Variants in ZNF736 observed in about 807,000 individuals in gnomAD.
ZNF736 encodes the protein KRAB-containing zinc-finger repressor protein.
A neutral mutation model predicts 11.7 loss-of-function variants in ZNF736; 6 were observed. The observed-to-expected ratio is 0.51, with a 90% CI of 0.28 to 1.01. The LOEUF is 1.01. Among genes scored for constraint, ZNF736 ranks in the 50% least tolerant of loss-of-function variants. The pLI, the probability that ZNF736 is intolerant of heterozygous loss-of-function variation, is 0.09. For missense variants in ZNF736, 444 were observed against 496.0 expected (o/e 0.90, Z 1.00); for synonymous variants, 139 against 164.7 (o/e 0.84, Z 1.19).
intron 1 of ZNF736, among the ~76,000 whole-genome samples, chr7:64,324,069 C>T (rs143860233): frequency 0.011 from 1,681 of 152,266 alleles, 23 homozygotes; most frequent in Non-Finnish European, 0.018. Context: ...TTGTCAAAGG[C>T]TTCCATCTAT....
intron 1 of ZNF736, among the ~76,000 whole-genome samples, chr7:64,323,538 C>G (rs1312797242): frequency 6.6e-6 from 1 of 152,010 alleles, no homozygotes; most frequent in Non-Finnish European, 1.5e-5. Context: ...AGGTATATAC[C>G]ATGGAATACT....
intron 1 of ZNF736, 80 bp downstream of exon 1, chr7:64,314,233 G>T (rs1788879421): frequency 2.0e-6 from 3 of 1,527,330 alleles, no homozygotes; most frequent in Non-Finnish European, 2.6e-6. Flanking sequence ...GTGGTATCTG[G>T]GCCTTCTCGC....
rs140669983 is a variant in ZNF736 at position 64,315,062 on chromosome 7, C to T, written c.3+909C>T. 3.8e-3 allele frequency among the ~76,000 whole-genome samples: 580 copies of T among 152,296 alleles called. 3 individuals are homozygous for T. The highest frequency in any genetic ancestry group is 0.012 in the African/African-American group (507 of 41,568). ...AGTGAGTGAGTTCCCTGAAGTTCAT[C>T]ATTTAGAAGTGTACAGCACCCCACC... On this transcript the variant is annotated intron_variant, in intron 1 of 3. Coordinates refer to ENST00000423484, the MANE Select transcript of ZNF736 (RefSeq NM_001170905.3).
rs1182590213 is a variant in ZNF736, at chr7:64,348,715, C to T, written c.852C>T (p.Pro284=). Residue 284 remains proline, a synonymous_variant, in exon 4 of 4, where the codon CCC becomes CCT. Coordinates refer to ENST00000423484, the MANE Select transcript of ZNF736 (RefSeq NM_001170905.3). The stretch of plus-strand genomic sequence containing the variant: ...AGAGAATTCATACTGGAGAGAAACC[C>T]TACAAATGTGAAGAATGTAACAAAG... ...NHKRIHTGEK[P]YKCEECNKAY... is the part of the protein sequence containing the mutation. 3.7e-6 allele frequency: 6 copies of T among 1,607,572 alleles called. No individual in the cohort carries two copies. The highest frequency in any genetic ancestry group is 5.1e-6 in the Non-Finnish European group (6 of 1,177,024).
At chr7:64,335,796 T>A (rs1789240912) in intron 1 of ZNF736, among the ~76,000 whole-genome samples, 1 of 152,192 alleles carries the variant, frequency 6.6e-6, no homozygotes, top group Non-Finnish European at 1.5e-5. Flanking sequence ...GAAGCAACGA[T>A]ACCACTGGCA....
intron 1 of ZNF736, among the ~76,000 whole-genome samples, chr7:64,315,498 A>G (rs1788904038): frequency 6.6e-6 from 1 of 152,110 alleles, no homozygotes; most frequent in Non-Finnish European, 1.5e-5. Flanking sequence ...TTTTATTGGC[A>G]GCTTGTGGTT....
intron 1 of ZNF736, among the ~76,000 whole-genome samples, chr7:64,325,513 C>T (rs563130388): frequency 3.9e-5 from 6 of 152,272 alleles, no homozygotes; most frequent in Non-Finnish European, 8.8e-5. Flanking sequence ...CAATGCCACT[C>T]GTCGGGTGCC....
chr7:64,334,682 TTGG>T (rs1262654031), intron 1 of ZNF736, among the ~76,000 whole-genome samples: 3 of 152,190 alleles, frequency 2.0e-5, no homozygotes, highest in Admixed American at 1.3e-4. Context: ...TTTTACACTG[TTGG>T]TGGGAGTGTA....
intron 3 of ZNF736, among the ~76,000 whole-genome samples, chr7:64,347,209 A>T: frequency 7.1e-6 from 1 of 140,904 alleles, no homozygotes; most frequent in Non-Finnish European, 1.5e-5. Flanking sequence ...TAGTTAAAAA[A>T]TGTTCGCCTT....
chr7:64,319,244 G>A (rs555802412), intron 1 of ZNF736, among the ~76,000 whole-genome samples: 4 of 148,484 alleles, frequency 2.7e-5, no homozygotes, highest in Admixed American at 1.4e-4. Flanking sequence ...CCTCAAATAC[G>A]TATGTATATG....
At chr7:64,314,863 C>T (rs1411645826) in intron 1 of ZNF736, among the ~76,000 whole-genome samples, 1 of 152,210 alleles carries the variant, frequency 6.6e-6, no homozygotes, top group Non-Finnish European at 1.5e-5. Context: ...CATGACCCAC[C>T]ACCCTAGCCT....
chr7:64,348,448 T>C lies in ZNF736; in HGVS notation c.585T>C (p.His195=). 5.8e-6 allele frequency: 9 copies of C among 1,549,490 alleles called. No individual in the cohort carries two copies. The highest frequency in any genetic ancestry group is 7.0e-6 in the Non-Finnish European group (8 of 1,146,472). Residue 195 remains histidine (H), a synonymous_variant, in exon 4 of 4, where the codon CAT becomes CAC. Transcript: ENST00000423484. ...FSDFTRHKKI[H]TVERCYKCEE... is the part of the protein sequence containing the mutation. ...ATTTTACTAGACATAAGAAAATTCATACTGTAGAGAGATGCTACAAATGTG... is the reference window on the plus strand; with the variant it reads ...ATTTTACTAGACATAAGAAAATTCACACTGTAGAGAGATGCTACAAATGTG...
At chr7:64,337,223 G>GT (rs1789266060) in intron 3 of ZNF736, 8 of 403,168 alleles carry the variant, frequency 2.0e-5, no homozygotes, top group Non-Finnish European at 3.1e-5. Context: ...GTTTTGTTTT[G>GT]TTTTTTGTTT....
intron 1 of ZNF736, among the ~76,000 whole-genome samples, chr7:64,315,489 T>C (rs1239802024): frequency 1.3e-5 from 2 of 152,140 alleles, no homozygotes; most frequent in East Asian, 3.8e-4. Context: ...ATTAGAGCTT[T>C]TTATTGGCAG....
At chr7:64,319,168 T>C (rs957764129) in intron 1 of ZNF736, among the ~76,000 whole-genome samples, 5 of 151,366 alleles carry the variant, frequency 3.3e-5, no homozygotes, top group Non-Finnish European at 5.9e-5. Context: ...AACGGACACA[T>C]AGAGATGCTA....
intron 1 of ZNF736, among the ~76,000 whole-genome samples, chr7:64,331,033 T>G (rs1322468606): frequency 6.6e-6 from 1 of 152,200 alleles, no homozygotes; most frequent in East Asian, 1.9e-4. Context: ...AGGGTAATAA[T>G]GCAGGCACTT....
chr7:64,319,333 G>GTATATA lies in ZNF736; in HGVS notation c.3+5222_3+5227dup, dbSNP rs71060585. On this transcript the variant is annotated intron_variant, in intron 1 of 3. Coordinates refer to ENST00000423484, the MANE Select transcript of ZNF736 (RefSeq NM_001170905.3). ...TATATGTATGTGTGTGTGTGTATGTGTATATATATATATATATATATATAT... is the reference window on the plus strand; with the variant it reads ...TATATGTATGTGTGTGTGTGTATGTGTATATATATATATATATATATATATATATAT... Among the ~76,000 whole-genome samples, 86 of 71,618 alleles carry GTATATA rather than the reference G, an allele frequency of 1.2e-3. 1 individual carries two copies. Among genetic ancestry groups the GTATATA allele is most frequent in the Admixed American group, 2.2e-3 (13 of 5,870 alleles). 47.0% of individuals were successfully genotyped at this position (71,618 alleles called of 152,430 possible).
intron 1 of ZNF736, among the ~76,000 whole-genome samples, chr7:64,330,174 T>G (rs1051418631): frequency 8.5e-5 from 13 of 152,098 alleles, no homozygotes; most frequent in Non-Finnish European, 1.3e-4. Flanking sequence ...GTTTTGTTTT[T>G]GAGACGGAGT....
intron 3 of ZNF736, among the ~76,000 whole-genome samples, chr7:64,347,123 C>T (rs1296112615): frequency 6.6e-6 from 1 of 150,986 alleles, no homozygotes; most frequent in Non-Finnish European, 1.5e-5. Context: ...AATATGATAC[C>T]AATTTTTTAG....
Sources: gnomAD v4.1 joint callset for allele counts (sites outside exome capture counted in the v4.1 genomes callset) on GRCh38, gnomAD v4.1.1 for gene constraint, MANE v1.5 for transcripts, NCBI Gene and HGNC (gene_info 2026-07-23, HGNC 2026-07-21) for gene names.